ZNF790: variants seen among roughly 807,000 people sequenced by gnomAD.
ZNF790 encodes the protein zinc finger protein 790.
Under a neutral mutation model 12.1 loss-of-function variants are expected in ZNF790, and 8 were observed. The ratio of observed to expected loss-of-function variants is 0.66; its 90% CI spans 0.39 to 1.19. The LOEUF (loss-of-function observed/expected upper bound fraction) is 1.19. Ranked by LOEUF, ZNF790 falls within the 50% of genes most tolerant of loss-of-function variation. ZNF790 has a pLI of 0.01. For synonymous variants in ZNF790, 252 were observed against 244.3 expected (o/e 1.03, Z -0.29); for missense variants, 707 against 752.2 (o/e 0.94, Z 0.70).
At chr19:36,843,022 A>T (rs1219760600), upstream of ZNF790, among the ~76,000 whole-genome samples, 1 of 150,248 alleles carries the variant, frequency 6.7e-6, no homozygotes, top group Admixed American at 6.6e-5. Flanking sequence ...AAAAAAAAAA[A>T]GACATGAAGG....
At chr19:36,828,479 G>GA (rs559566074) in intron 1 of ZNF790, among the ~76,000 whole-genome samples, 3 of 150,540 alleles carry the variant, frequency 2.0e-5, no homozygotes, top group South Asian at 2.1e-4. Flanking sequence ...AAAAAAAAAG[G>GA]AAAAAAAAAT....
At chr19:36,820,136 A>C in intron 4 of ZNF790, 22 bp from the exon 5 acceptor site, 1 of 1,589,264 alleles carries the variant, frequency 6.3e-7, no homozygotes, top group Non-Finnish European at 8.5e-7. Context: ...GAAGGTAAAA[A>C]CATCATACGG....
At chr19:36,826,091 C>T (rs1043076975) in intron 1 of ZNF790, among the ~76,000 whole-genome samples, 1 of 152,054 alleles carries the variant, frequency 6.6e-6, no homozygotes, top group African/African-American at 2.4e-5. Context: ...TGTATCCTAC[C>T]CTCTGGATTT....
intron 1 of ZNF790, among the ~76,000 whole-genome samples, chr19:36,826,910 C>T (rs151016380): frequency 1.8e-3 from 271 of 149,518 alleles, no homozygotes; most frequent in Non-Finnish European, 3.1e-3. Flanking sequence ...GTGGGAAATG[C>T]GCGAGGGGAG....
In ZNF790 at chr19:36,838,187, T is replaced by G. The variant is rs1031231039; in HGVS notation, c.-74+150A>C. 6.5e-6 allele frequency: 1 copy of G among 152,876 alleles called. No homozygotes were observed. Among genetic ancestry groups the G allele is most frequent in the Non-Finnish European group, 1.4e-5 (1 of 69,050 alleles). 9.5% of individuals were successfully genotyped at this position (152,876 alleles called of 1,614,324 possible). A position where few individuals can be genotyped will look rare whatever the true frequency, so the allele number is the denominator to read the frequency against. On this transcript the variant is annotated intron_variant, in intron 1 of 4. Transcript: ENST00000356725. This position sits in a 1 kb window ranked among gnomAD's most constrained non-coding sequence, Gnocchi z 4.4. ...CCCAGCTCCTGCATCAATTTCACTC[T>G]CGCATCCACTGCTCCCATCGCGATC...
intron 1 of ZNF790, among the ~76,000 whole-genome samples, chr19:36,826,506 C>A (rs376755170): frequency 6.6e-6 from 1 of 150,986 alleles, no homozygotes; most frequent in African/African-American, 2.4e-5. Flanking sequence ...TCGCTTGAAC[C>A]CAGGAGTTGG....
At chr19:36,844,357 C>T (rs942159564) in intron 1 of ZNF790, among the ~76,000 whole-genome samples, 2 of 151,250 alleles carry the variant, frequency 1.3e-5, no homozygotes, top group Non-Finnish European at 2.9e-5. Flanking sequence ...CCCAAAAAGC[C>T]CCCAAACTCC....
chr19:36,819,936 T>C lies in ZNF790; in HGVS notation c.408A>G (p.Glu136=), dbSNP rs149748746. 6 of 1,614,058 alleles carry C rather than the reference T, an allele frequency of 3.7e-6. No homozygotes were observed. The highest frequency in any genetic ancestry group is 5.1e-6 in the Non-Finnish European group (6 of 1,180,028). ...QFQTLQDNQE[E]CFKQVIRTCE... is the part of the protein sequence containing the mutation. ...AGGTGCGTATCACCTGCTTGAAGCA[T>C]TCCTCTTGATTATCTTGAAGTGTTT... Residue 136 remains glutamate, a synonymous_variant, in exon 5 of 5, where the codon GAA becomes GAG. Transcript: ENST00000356725.
Position 36,819,373 on chromosome 19 carries a change from T to C in ZNF790, c.971A>G (p.His324Arg). The C allele has an allele frequency of 6.2e-7, 1 of 1,613,322 alleles. No individual in the cohort carries two copies. The highest frequency in any genetic ancestry group is 8.5e-7 in the Non-Finnish European group (1 of 1,179,538). The change falls in exon 5 of 5, where the codon CAT becomes CGT. Residue 324 changes from histidine to arginine, a missense_variant. Coordinates refer to ENST00000356725, the MANE Select transcript of ZNF790 (RefSeq NM_206894.4). ...GTGAATTCTCTGATGTTTAATAAGA[T>C]GTGATCGCTGACTAAAGGCCTTTCT... ...ECRKAFSQRS[H>R]LIKHQRIHTG...
At chr19:36,846,699 A>G (rs1343141047) in intron 1 of ZNF790, among the ~76,000 whole-genome samples, 2 of 152,272 alleles carry the variant, frequency 1.3e-5, no homozygotes, top group Non-Finnish European at 2.9e-5. Context: ...AAATACTTAC[A>G]TAGCCTCTGT....
chr19:36,836,370 A>G (rs1398762287), intron 1 of ZNF790, among the ~76,000 whole-genome samples: 4 of 152,052 alleles, frequency 2.6e-5, no homozygotes, highest in Non-Finnish European at 5.9e-5. Flanking sequence ...TGCTTAGGTC[A>G]TAAGTCAACT....
chr19:36,838,152 C>G lies in ZNF790; in HGVS notation c.-74+185G>C, dbSNP rs1364776301. The G allele has an allele frequency of 6.6e-6, 1 of 152,598 alleles. No individual in the cohort carries two copies. The highest frequency in any genetic ancestry group is 2.4e-5 in the African/African-American group (1 of 41,282). The allele number at this position is 152,598 out of a possible 1,614,324, so 9.5% of individuals were successfully genotyped here. The stretch of plus-strand genomic sequence containing the variant: ...CATACACACACACACACACAAGCTC[C>G]CGTCGCGGCCCCAGCTCCTGCATCA... On this transcript the variant is annotated intron_variant, in intron 1 of 4. Transcript: ENST00000356725. The surrounding 1 kb of genome is among the most constrained non-coding windows in gnomAD (Gnocchi z 4.4).
At chr19:36,847,400 C>T (rs1448924350) in intron 1 of ZNF790, among the ~76,000 whole-genome samples, 1 of 151,906 alleles carries the variant, frequency 6.6e-6, no homozygotes, top group Admixed American at 6.6e-5. Context: ...GTTCTTTTGT[C>T]CTTGGTTATG....
intron 1 of ZNF790, among the ~76,000 whole-genome samples, chr19:36,827,141 C>CACATATATATATATATATATATATAT (rs1313807327): frequency 1.2e-5 from 1 of 84,440 alleles, no homozygotes; most frequent in Non-Finnish European, 2.1e-5. Flanking sequence ...CACACACACA[C>CACATATATATATATATATATATATAT]ATATATATAT....
chr19:36,820,253 GAAAA>G (rs1001361265), intron 4 of ZNF790, 139 bp from the exon 5 acceptor site: 2 of 814,976 alleles, frequency 2.5e-6, no homozygotes, highest in African/African-American at 3.5e-5. Context: ...TGAGCAATAT[GAAAA>G]AAAGGGCAAG....
intron 1 of ZNF790, among the ~76,000 whole-genome samples, chr19:36,828,543 C>G (rs1226611761): frequency 6.6e-6 from 1 of 152,026 alleles, no homozygotes; most frequent in Non-Finnish European, 1.5e-5. Context: ...GTGGTGCAAT[C>G]ACAGTTTACT....
At chr19:36,821,690 T>G (rs1382486361) in intron 4 of ZNF790, among the ~76,000 whole-genome samples, 3 of 152,074 alleles carry the variant, frequency 2.0e-5, no homozygotes, top group African/African-American at 7.2e-5. Context: ...TTCAAGCGAT[T>G]CTCCTGCCTC....
rs760453936 is a variant in ZNF790 at position 36,827,117 on chromosome 19, T to TACACACACACACACACACACACAC, written c.-73-1449_-73-1426dup. ...GTGTGTGTGTGTATATATATACACA[T>TACACACACACACACACACACACAC]ACACACACACACACACACACACACA... On this transcript the variant is annotated intron_variant, in intron 1 of 4. Coordinates refer to ENST00000356725, the MANE Select transcript of ZNF790 (RefSeq NM_206894.4). 1.9e-3 allele frequency among the ~76,000 whole-genome samples: 116 copies of TACACACACACACACACACACACAC among 60,820 alleles called. 5 individuals carry two copies. The highest frequency in any genetic ancestry group is 3.1e-3 in the Non-Finnish European group (92 of 29,930). 39.9% of individuals were successfully genotyped at this position (60,820 alleles called of 152,430 possible).
At chr19:36,824,158 G>C (rs185778343) in intron 2 of ZNF790, among the ~76,000 whole-genome samples, 12 of 151,834 alleles carry the variant, frequency 7.9e-5, no homozygotes, top group Admixed American at 5.3e-4. Context: ...TACCACGCCC[G>C]GCAAATTTTT....
Sources: gnomAD v4.1 joint callset for allele counts (sites outside exome capture counted in the v4.1 genomes callset) on GRCh38, gnomAD v4.1.1 for gene constraint, Gnocchi (gnomAD v3.1) non-coding constraint, MANE v1.5 for transcripts, NCBI Gene and HGNC (gene_info 2026-07-23, HGNC 2026-07-21) for gene names.